The following SGPP2 variants were observed in gnomAD, a reference collection of about 807,000 sequenced individuals.
SGPP2 encodes sphingosine-1-phosphate phosphatase 2.
In SGPP2, 30 loss-of-function variants were observed where a neutral mutation model predicts 33.9. The observed-to-expected ratio is 0.89, with a 90% CI of 0.66 to 1.20. SGPP2 has a LOEUF of 1.20. Among genes scored for constraint, SGPP2 ranks in the 50% most tolerant of loss-of-function variants. The pLI is 0.00. For missense variants in SGPP2, 458 were observed against 532.1 expected (o/e 0.86, Z 1.37); for synonymous variants, 233 against 225.0 (o/e 1.04, Z -0.32).
At chr2:222,491,540 A>G (rs2106110761) in intron 2 of SGPP2, among the ~76,000 whole-genome samples, 1 of 152,192 alleles carries the variant, frequency 6.6e-6, no homozygotes, top group Admixed American at 6.5e-5. Context: ...TCTCATGAGA[A>G]CTCACTATCA....
At chr2:222,504,697 A>G (rs997280383) in intron 2 of SGPP2, 3 of 152,196 alleles carry the variant, frequency 2.0e-5, no homozygotes, top group East Asian at 1.9e-4. Flanking sequence ...TGAACTTGCC[A>G]TGGGTAGAAT....
intron 1 of SGPP2, among the ~76,000 whole-genome samples, chr2:222,426,294 A>G (rs1697071067): frequency 6.6e-6 from 1 of 151,958 alleles, no homozygotes; most frequent in Non-Finnish European, 1.5e-5. Flanking sequence ...GTGCCGTGAC[A>G]TATTCGGTGC....
chr2:222,557,406 A>G (rs751483812), intron 4 of SGPP2, among the ~76,000 whole-genome samples: 1 of 152,238 alleles, frequency 6.6e-6, no homozygotes, highest in South Asian at 2.1e-4. Context: ...ATTCTCACCC[A>G]TTGTTTATCC....
intron 1 of SGPP2, among the ~76,000 whole-genome samples, chr2:222,471,390 A>G (rs1360125681): frequency 6.6e-6 from 1 of 152,098 alleles, no homozygotes; most frequent in Non-Finnish European, 1.5e-5. Flanking sequence ...AGTGTCAAGT[A>G]CAGTTATGTT....
intron 4 of SGPP2, 146 bp from the exon 5 acceptor site, chr2:222,558,201 T>TA: frequency 2.2e-6 from 2 of 905,364 alleles, no homozygotes; most frequent in Non-Finnish European, 3.3e-6. Flanking sequence ...TTTAGAACTT[T>TA]ACACTTTCTT....
intron 1 of SGPP2, among the ~76,000 whole-genome samples, chr2:222,462,166 A>G (rs1250033092): frequency 1.3e-5 from 2 of 152,078 alleles, no homozygotes; most frequent in East Asian, 1.9e-4. Flanking sequence ...ACAAGCAAAC[A>G]TCGTAAGGCC....
intron 1 of SGPP2, among the ~76,000 whole-genome samples, chr2:222,430,008 C>G (rs1186756438): frequency 6.6e-6 from 1 of 152,194 alleles, no homozygotes; most frequent in Non-Finnish European, 1.5e-5. Flanking sequence ...CTGGGACAGT[C>G]CTCAGACTTA....
chr2:222,473,663 G>A (rs950914356), intron 1 of SGPP2, among the ~76,000 whole-genome samples: 4 of 152,160 alleles, frequency 2.6e-5, no homozygotes, highest in East Asian at 1.9e-4. Flanking sequence ...GGTGGCTCAC[G>A]CCCGTAATCC....
rs1697733665 is a variant in SGPP2 at position 222,465,631 on chromosome 2, G to GTTTCAGAGCCAAATTTTGAGCCAAAA, written c.220-8924_220-8923insTTTTGAGCCAAAATTTCAGAGCCAAA. On this transcript the variant is annotated intron_variant, in intron 1 of 4. Transcript: ENST00000321276. The surrounding 1 kb of genome is among the most constrained non-coding windows in gnomAD (Gnocchi z 4.1). ...AATTAAAGCAGGGCTTCATCCCACT[G>GTTTCAGAGCCAAATTTTGAGCCAAAA]TTTCAGAGCCAAAATTTGTTCTAGT... Among the ~76,000 whole-genome samples the GTTTCAGAGCCAAATTTTGAGCCAAAA allele has an allele frequency of 6.6e-6, 1 of 152,202 alleles. No homozygotes were observed. The highest frequency in any genetic ancestry group is 2.1e-4 in the South Asian group (1 of 4,830).
chr2:222,481,013 G>T (rs1698021037), intron 2 of SGPP2, among the ~76,000 whole-genome samples: 1 of 152,170 alleles, frequency 6.6e-6, no homozygotes, highest in African/African-American at 2.4e-5. Context: ...AACACTGCAT[G>T]TTCTCACTTA....
At chr2:222,486,975 G>A (rs577085887) in intron 2 of SGPP2, among the ~76,000 whole-genome samples, 1 of 152,056 alleles carries the variant, frequency 6.6e-6, no homozygotes, top group East Asian at 1.9e-4. Context: ...TGATTTGAGA[G>A]TAAGTCACCT....
chr2:222,503,507 C>T (rs185149370), intron 2 of SGPP2, among the ~76,000 whole-genome samples: 20 of 152,270 alleles, frequency 1.3e-4, no homozygotes, highest in African/African-American at 4.8e-4. Context: ...ACAAAGATCT[C>T]AAGTCCCTGG....
rs773343235 is a variant in SGPP2, at chr2:222,559,169, C to A, written c.*271C>A. The A allele has an allele frequency of 1.8e-4, 20 of 112,610 alleles. 4 individuals are homozygous for A. Among genetic ancestry groups the A allele is most frequent in the South Asian group, 9.1e-4 (4 of 4,376 alleles). 7.0% of individuals were successfully genotyped at this position (112,610 alleles called of 1,614,324 possible). On this transcript the variant is annotated 3_prime_UTR_variant, in exon 5 of 5. Transcript: ENST00000321276. ...TTAAAGGCACACACCGCGCCCCCCCCCCCCCCGCCCGGCCCCTGCTCCTCT... is the reference window on the plus strand; with the variant it reads ...TTAAAGGCACACACCGCGCCCCCCCACCCCCCGCCCGGCCCCTGCTCCTCT...
chr2:222,439,126 C>T (rs1318833592), intron 1 of SGPP2, among the ~76,000 whole-genome samples: 1 of 152,180 alleles, frequency 6.6e-6, no homozygotes, highest in Non-Finnish European at 1.5e-5. Context: ...AACGTCAGCT[C>T]AGAGTCAGTG....
chr2:222,546,511 A>G (rs1450486460), intron 4 of SGPP2, among the ~76,000 whole-genome samples: 1 of 152,172 alleles, frequency 6.6e-6, no homozygotes, highest in Non-Finnish European at 1.5e-5. Flanking sequence ...CATTTTAAAA[A>G]TCTCCAGTAA....
chr2:222,495,127 C>T (rs1698256815), intron 2 of SGPP2, among the ~76,000 whole-genome samples: 1 of 152,152 alleles, frequency 6.6e-6, no homozygotes, highest in Admixed American at 6.5e-5. Context: ...AAATTATTTG[C>T]ACCTAGCCAG....
intron 1 of SGPP2, among the ~76,000 whole-genome samples, chr2:222,470,354 G>A (rs920170840): frequency 2.1e-4 from 32 of 152,162 alleles, no homozygotes; most frequent in African/African-American, 7.7e-4. Flanking sequence ...AGAATTTAAA[G>A]GAAAGTATTG....
intron 2 of SGPP2, among the ~76,000 whole-genome samples, chr2:222,513,555 A>C (rs1698561169): frequency 6.6e-6 from 1 of 152,176 alleles, no homozygotes; most frequent in Non-Finnish European, 1.5e-5. Flanking sequence ...ATCTGTGAAC[A>C]TTGCTGTTTT....
At chr2:222,440,579 G>C (rs373224407) in intron 1 of SGPP2, among the ~76,000 whole-genome samples, 10 of 152,078 alleles carry the variant, frequency 6.6e-5, no homozygotes, top group African/African-American at 2.4e-4. Flanking sequence ...CTGACCTTGT[G>C]ATCTGCCCAC....
Sources: gnomAD v4.1 joint callset for allele counts (sites outside exome capture counted in the v4.1 genomes callset) on GRCh38, gnomAD v4.1.1 for gene constraint, Gnocchi (gnomAD v3.1) non-coding constraint, MANE v1.5 for transcripts, NCBI Gene and HGNC (gene_info 2026-07-23, HGNC 2026-07-21) for gene names.